Variants in KCNMA1 observed in about 807,000 individuals in gnomAD.
KCNMA1 encodes the protein Calcium-activated potassium channel subunit alpha-1.
In KCNMA1, 29 loss-of-function variants were observed where a neutral mutation model predicts 140.0. That is an observed-to-expected ratio of 0.21 (90% CI 0.15 to 0.28). The LOEUF is 0.28. KCNMA1 is among the 10% of genes least tolerant of loss of function. The probability of loss-of-function intolerance (pLI) is 1.00; values close to 1 mark genes in which losing one functional copy is unlikely to be tolerated. For synonymous variants in KCNMA1, 612 were observed against 611.9 expected, an observed-to-expected ratio of 1.00 and a Z score of 0.00; for missense variants, 880 against 1,602.2, an observed-to-expected ratio of 0.55 and a Z score of 7.70.
intron 14 of KCNMA1, among the ~76,000 whole-genome samples, chr10:77,042,280 T>G (rs995480284): frequency 3.9e-5 from 6 of 152,222 alleles, no homozygotes; most frequent in African/African-American, 1.4e-4. Context: ...CTCCAAACCA[T>G]AAGATCTCAA....
chr10:77,507,736 A>C (rs1010132102), intron 1 of KCNMA1, among the ~76,000 whole-genome samples: 2 of 152,220 alleles, frequency 1.3e-5, no homozygotes, highest in Admixed American at 6.5e-5. Context: ...CTAACAGAAA[A>C]GCCACTTTCT....
chr10:76,914,149 C>T (rs1207453375), intron 24 of KCNMA1: 48 of 1,544,652 alleles, frequency 3.1e-5, no homozygotes, highest in Non-Finnish European at 3.5e-5. Context: ...TAATTGGATA[C>T]AGCATTTAAG....
At chr10:77,562,230 G>T (rs1156765439) in intron 1 of KCNMA1, among the ~76,000 whole-genome samples, 2 of 152,246 alleles carry the variant, frequency 1.3e-5, no homozygotes, top group Non-Finnish European at 2.9e-5. Context: ...AGGATCTTCA[G>T]AGAGGCTCAG....
At chr10:77,170,767 A>T (rs1415063581) in intron 5 of KCNMA1, among the ~76,000 whole-genome samples, 2 of 152,218 alleles carry the variant, frequency 1.3e-5, no homozygotes, top group Non-Finnish European at 2.9e-5. Flanking sequence ...AATACTAGTG[A>T]CTAATAAAGT....
At chr10:77,627,203 G>T (rs1250720820) in intron 1 of KCNMA1, among the ~76,000 whole-genome samples, 2 of 152,166 alleles carry the variant, frequency 1.3e-5, no homozygotes, top group Non-Finnish European at 2.9e-5. Flanking sequence ...TGTCTCCCTA[G>T]GTGAAAAAGA....
chr10:76,923,144 T>C lies in KCNMA1; in HGVS notation c.2903-8095A>G, dbSNP rs546422383. ...GGGTCCAACCCAAACCAAAGCAAAT[T>C]AAACCAACCAAACAAACAAAACTTC... On this transcript the variant is annotated intron_variant, in intron 23 of 27. Coordinates refer to ENST00000286628, the MANE Select transcript of KCNMA1 (RefSeq NM_001161352.2). 4.6e-5 allele frequency among the ~76,000 whole-genome samples: 7 copies of C among 152,230 alleles called. No individual in the cohort carries two copies. The South Asian group carries it at 1.2e-3, about 27-fold the overall frequency.
chr10:77,111,719 C>A (rs2097329686), intron 7 of KCNMA1, among the ~76,000 whole-genome samples: 1 of 152,276 alleles, frequency 6.6e-6, no homozygotes, highest in Middle Eastern at 3.4e-3. Flanking sequence ...TGGTGGTCAA[C>A]TTTATCCAAA....
chr10:77,516,718 C>G (rs116633659), intron 1 of KCNMA1, among the ~76,000 whole-genome samples: 190 of 152,364 alleles, frequency 1.2e-3, no homozygotes, highest in African/African-American at 4.4e-3. Context: ...CATGCCTCAT[C>G]ATGTGTCTGG....
At chr10:77,306,707 G>A (rs1471979617) in intron 2 of KCNMA1, among the ~76,000 whole-genome samples, 1 of 152,208 alleles carries the variant, frequency 6.6e-6, no homozygotes, top group Non-Finnish European at 1.5e-5. Context: ...AGGAGGGAAT[G>A]TCAGCAGATT....
chr10:77,402,042 A>G (rs2096285611), intron 2 of KCNMA1, among the ~76,000 whole-genome samples: 1 of 152,244 alleles, frequency 6.6e-6, no homozygotes, highest in African/African-American at 2.4e-5. Flanking sequence ...AGAACTGTCT[A>G]TAATGGCCAC....
Position 77,470,369 on chromosome 10 carries a change from G to A in KCNMA1, c.379-66346C>T, listed in dbSNP as rs568990429. Reference sequence around the variant, plus strand: ...TCACTAAAGCTGCTTACTGTGTGCCGCAAAGGGAAGACTCCGGGTGGCCTC... The same window carrying A: ...TCACTAAAGCTGCTTACTGTGTGCCACAAAGGGAAGACTCCGGGTGGCCTC... On this transcript the variant is annotated intron_variant, in intron 1 of 27. Transcript: ENST00000286628. Among the ~76,000 whole-genome samples, 8 of 152,242 alleles carry A rather than the reference G, an allele frequency of 5.3e-5. No individual in the cohort carries two copies. In the South Asian group the frequency reaches 1.0e-3, roughly 20 times the overall value.
chr10:77,152,309 T>TGTGTGTGTGTGTGTGTGTGTGTG (rs59919010), intron 5 of KCNMA1, among the ~76,000 whole-genome samples: 11 of 147,802 alleles, frequency 7.4e-5, no homozygotes, highest in African/African-American at 2.5e-4. Flanking sequence ...TGTGTGTGTG[T>TGTGTGTGTGTGTGTGTGTGTGTG]TGTTGCTGTT....
At chr10:77,208,353 G>A (rs1201852218) in intron 3 of KCNMA1, among the ~76,000 whole-genome samples, 1 of 152,152 alleles carries the variant, frequency 6.6e-6, no homozygotes, top group Non-Finnish European at 1.5e-5. Context: ...AGCCAGGCAT[G>A]GTGGCACATG....
chr10:76,941,413 G>A (rs1460562187), intron 23 of KCNMA1, among the ~76,000 whole-genome samples: 1 of 152,198 alleles, frequency 6.6e-6, no homozygotes, highest in Non-Finnish European at 1.5e-5. Flanking sequence ...CACAGGCTGG[G>A]AGGAGCCCAA....
intron 14 of KCNMA1, among the ~76,000 whole-genome samples, chr10:77,067,411 G>A (rs1466340342): frequency 3.3e-5 from 5 of 152,136 alleles, no homozygotes; most frequent in African/African-American, 1.2e-4. Context: ...TGGGTCTCCA[G>A]TTTATAGAGC....
intron 2 of KCNMA1, among the ~76,000 whole-genome samples, chr10:77,322,884 A>T (rs1489001103): frequency 6.6e-6 from 1 of 152,194 alleles, no homozygotes; most frequent in Admixed American, 6.5e-5. Context: ...TTTTGCAGTC[A>T]TTGCACTAAA....
At chr10:77,550,157 A>G (rs2154556766) in intron 1 of KCNMA1, among the ~76,000 whole-genome samples, 1 of 152,330 alleles carries the variant, frequency 6.6e-6, no homozygotes, top group South Asian at 2.1e-4. Flanking sequence ...GTCAGAGCAA[A>G]GGAGAAAAGA....
intron 3 of KCNMA1, among the ~76,000 whole-genome samples, chr10:77,221,024 T>C (rs980378712): frequency 2.0e-5 from 3 of 152,180 alleles, no homozygotes; most frequent in East Asian, 1.9e-4. Flanking sequence ...AGGGAAAAGA[T>C]AAATAAACCA....
chr10:77,561,308 C>T (rs2066315721), intron 1 of KCNMA1, among the ~76,000 whole-genome samples: 1 of 152,166 alleles, frequency 6.6e-6, no homozygotes, highest in Non-Finnish European at 1.5e-5. Context: ...ATACACAGAG[C>T]TATCACTTCT....
Sources: gnomAD v4.1 joint callset for allele counts (sites outside exome capture counted in the v4.1 genomes callset) on GRCh38, gnomAD v4.1.1 for gene constraint, MANE v1.5 for transcripts, NCBI Gene and HGNC (gene_info 2026-07-23, HGNC 2026-07-21) for gene names.